The following DENND1B variants were observed in gnomAD, a reference collection of about 807,000 sequenced individuals.
DENND1B encodes the protein DENN domain-containing protein 1B.
Under a neutral mutation model 90.1 loss-of-function variants are expected in DENND1B, and 59 were observed. The observed-to-expected ratio is 0.65, with a 90% CI of 0.53 to 0.81. The LOEUF (loss-of-function observed/expected upper bound fraction) is 0.81. DENND1B is among the 40% of genes least tolerant of loss of function. The pLI is 0.00. For synonymous variants in DENND1B, 337 were observed against 324.6 expected (o/e 1.04, Z -0.41); for missense variants, 862 against 912.6 (o/e 0.94, Z 0.71).
chr1:197,770,065 A>G (rs1051749176), intron 2 of DENND1B, among the ~76,000 whole-genome samples: 1 of 152,104 alleles, frequency 6.6e-6, no homozygotes, highest in Admixed American at 6.6e-5. Context: ...TACTTGTTAG[A>G]TCCTAAAATA....
intron 11 of DENND1B, among the ~76,000 whole-genome samples, chr1:197,613,665 C>T (rs1572067552): frequency 6.6e-6 from 1 of 150,778 alleles, no homozygotes. Context: ...ATGCATATCA[C>T]TAACAAATCT....
chr1:197,696,956 C>T (rs559664005), intron 3 of DENND1B, among the ~76,000 whole-genome samples: 1 of 149,628 alleles, frequency 6.7e-6, no homozygotes, highest in African/African-American at 2.4e-5. Flanking sequence ...TACGGAAGTA[C>T]AGACAGGTTG....
intron 20 of DENND1B, among the ~76,000 whole-genome samples, chr1:197,513,932 T>C (rs1272109447): frequency 6.6e-6 from 1 of 151,664 alleles, no homozygotes; most frequent in Non-Finnish European, 1.5e-5. Context: ...TTTTTCATCT[T>C]CCTTTGATTT....
chr1:197,583,792 C>T (rs573286472), intron 14 of DENND1B, among the ~76,000 whole-genome samples: 6 of 152,128 alleles, frequency 3.9e-5, no homozygotes, highest in South Asian at 2.1e-4. Context: ...TAATCCTTTG[C>T]GTTAAGTAAT....
intron 3 of DENND1B, among the ~76,000 whole-genome samples, chr1:197,713,815 A>ATATAATATATTATATATAATATATTAT (rs1660259314): frequency 1.5e-5 from 1 of 68,080 alleles, no homozygotes; most frequent in Non-Finnish European, 2.5e-5. Flanking sequence ...AATATATTAT[A>ATATAATATATTATATATAATATATTAT]TATAATATAT....
upstream of DENND1B, among the ~76,000 whole-genome samples, chr1:197,776,614 G>C (rs554425429): frequency 2.0e-5 from 3 of 149,962 alleles, no homozygotes; most frequent in South Asian, 6.2e-4. Flanking sequence ...TATGAATGTA[G>C]TGTGAGTCAT....
At chr1:197,721,065 A>ATTT (rs11371047) in intron 2 of DENND1B, among the ~76,000 whole-genome samples, 2,125 of 98,824 alleles carry the variant, frequency 0.022, 92 homozygotes, top group African/African-American at 0.04. Flanking sequence ...GAGAAACGGC[A>ATTT]TTTTTTTTTT....
intron 7 of DENND1B, among the ~76,000 whole-genome samples, chr1:197,649,985 T>C (rs1382275737): frequency 1.3e-5 from 2 of 152,062 alleles, no homozygotes; most frequent in South Asian, 2.1e-4. Context: ...GTTCAGAATC[T>C]ACAATAAATT....
chr1:197,750,767 A>G (rs1013854884), intron 2 of DENND1B, among the ~76,000 whole-genome samples: 1 of 152,184 alleles, frequency 6.6e-6, no homozygotes, highest in Non-Finnish European at 1.5e-5. Context: ...AAACCACAAT[A>G]AAGAAACAAC....
chr1:197,754,723 A>G (rs1654056512), intron 2 of DENND1B, among the ~76,000 whole-genome samples: 1 of 151,132 alleles, frequency 6.6e-6, no homozygotes, highest in Non-Finnish European at 1.5e-5. Context: ...ACATGAGAAG[A>G]TGTTCATAAC....
chr1:197,558,247 C>T (rs1196641657), intron 15 of DENND1B, among the ~76,000 whole-genome samples: 1 of 151,456 alleles, frequency 6.6e-6, no homozygotes, highest in Non-Finnish European at 1.5e-5. Flanking sequence ...CACACCAAAA[C>T]ATAAATAACA....
chr1:197,593,270 C>T (rs910848632), intron 14 of DENND1B, among the ~76,000 whole-genome samples: 9 of 149,618 alleles, frequency 6.0e-5, no homozygotes, highest in African/African-American at 2.2e-4. Flanking sequence ...CATCTAAGTG[C>T]ATTCAGTATA....
chr1:197,626,698 G>C (rs920853842), intron 10 of DENND1B, among the ~76,000 whole-genome samples: 9 of 151,730 alleles, frequency 5.9e-5, no homozygotes, highest in African/African-American at 1.5e-4. Flanking sequence ...GAAGGAAATA[G>C]AGACACAAAA....
chr1:197,641,423 G>GT (rs1292117849), intron 10 of DENND1B, among the ~76,000 whole-genome samples: 2 of 152,042 alleles, frequency 1.3e-5, no homozygotes. Context: ...TCTAAGATGT[G>GT]TAAGAAAAAA....
rs1199665216 is a variant in DENND1B at position 197,674,177 on chromosome 1, T to C, written c.127-8A>G. 3 of 1,579,078 alleles carry C rather than the reference T, an allele frequency of 1.9e-6. No individual in the cohort carries two copies. Among genetic ancestry groups the C allele is most frequent in the Middle Eastern group, 1.7e-4 (1 of 5,890 alleles). On this transcript the variant is annotated splice_region_variant and splice_polypyrimidine_tract_variant and intron_variant, in intron 3 of 22. Transcript: ENST00000620048. ...CACACTCTGTAGTATTTCCTACAAA[T>C]GGAAATTTCAAAAAAAAGAAATAAG...
At chr1:197,756,411 C>A (rs1033621504) in intron 2 of DENND1B, among the ~76,000 whole-genome samples, 68 of 151,968 alleles carry the variant, frequency 4.5e-4, no homozygotes, top group African/African-American at 1.4e-3. Context: ...CACATCTCTA[C>A]TAAAAACACA....
intron 6 of DENND1B, among the ~76,000 whole-genome samples, chr1:197,656,425 A>G (rs1572214044): frequency 6.6e-6 from 1 of 152,218 alleles, no homozygotes; most frequent in East Asian, 1.9e-4. Flanking sequence ...GTAAAAATTA[A>G]TAGACAATAG....
rs567595917 is a variant in DENND1B at position 197,576,267 on chromosome 1, A to C, written c.1149+6885T>G. On this transcript the variant is annotated intron_variant, in intron 15 of 22. Coordinates refer to ENST00000620048, the MANE Select transcript of DENND1B (RefSeq NM_001195215.2). Reference sequence around the variant, plus strand: ...AAATGTATGTGTGAAGGAACATTCAATGTGATTGCATATTACATTAGAATA... The same window carrying C: ...AAATGTATGTGTGAAGGAACATTCACTGTGATTGCATATTACATTAGAATA... Among the ~76,000 whole-genome samples, 4 of 152,284 alleles carry C rather than the reference A, an allele frequency of 2.6e-5. 1 individual carries two copies. Among genetic ancestry groups the C allele is most frequent in the African/African-American group, 7.2e-5 (3 of 41,558 alleles).
rs1020084689 is a variant in DENND1B, at chr1:197,636,381, T to C, written c.672+6330A>G. On this transcript the variant is annotated intron_variant, in intron 10 of 22. Coordinates refer to ENST00000620048, the MANE Select transcript of DENND1B (RefSeq NM_001195215.2). Reference sequence around the variant, plus strand: ...AGGTTCCTTAAGGGAAGGGATACTATATTGGGGCAGAAGGTAAGGATGCAT... The same window carrying C: ...AGGTTCCTTAAGGGAAGGGATACTACATTGGGGCAGAAGGTAAGGATGCAT... Among the ~76,000 whole-genome samples, 54 of 152,240 alleles carry C rather than the reference T, an allele frequency of 3.5e-4. No homozygotes were observed. The Middle Eastern group carries it at 0.014, about 38-fold the overall frequency.
Sources: gnomAD v4.1 joint callset for allele counts (sites outside exome capture counted in the v4.1 genomes callset) on GRCh38, gnomAD v4.1.1 for gene constraint, MANE v1.5 for transcripts, NCBI Gene and HGNC (gene_info 2026-07-23, HGNC 2026-07-21) for gene names.